The following EPC2 variants were observed in gnomAD, a reference collection of about 807,000 sequenced individuals.
EPC2 encodes enhancer of polycomb 2, also known as enhancer of polycomb homolog 2.
A neutral mutation model predicts 92.1 loss-of-function variants in EPC2; 14 were observed. The ratio of observed to expected loss-of-function variants is 0.15; its 90% CI spans 0.10 to 0.24. The LOEUF is 0.24. Ranked by LOEUF, EPC2 falls within the 10% of genes least tolerant of loss-of-function variation. The pLI is 1.00. For missense variants in EPC2, 755 were observed against 971.5 expected (o/e 0.78, Z 2.96); for synonymous variants, 340 against 334.7 (o/e 1.02, Z -0.17).
Position 148,769,236 on chromosome 2 carries a change from A to G in EPC2, c.1226A>G (p.Tyr409Cys), listed in dbSNP as rs1233536193. The change falls in exon 8 of 14, where the codon TAT (tyrosine) becomes TGT (cysteine). Residue 409 changes from tyrosine (Y) to cysteine (C), a missense_variant. By Grantham distance (194) the Tyr-to-Cys change is radical. This residue lies in a region of EPC2 where 509 missense variants were observed against 607.7 expected (regional missense o/e 0.84). Transcript: ENST00000258484. The part of the protein sequence containing the change: ...AFRRRAGCQY[Y>C]APRLDQANHS... ...AGAAGGCGGGCAGGATGCCAGTATT[A>G]TGCTGTAAGAACTTTTGTGTGTGTG... The G allele has an allele frequency of 1.2e-6, 2 of 1,606,984 alleles. No individual in the cohort carries two copies. Among genetic ancestry groups the G allele is most frequent in the Non-Finnish European group, 1.7e-6 (2 of 1,176,140 alleles).
intron 10 of EPC2, among the ~76,000 whole-genome samples, chr2:148,773,905 A>C (rs1683573309): frequency 6.6e-6 from 1 of 152,196 alleles, no homozygotes; most frequent in African/African-American, 2.4e-5. Flanking sequence ...TATATACAAA[A>C]GAATGGGATC....
chr2:148,702,093 C>T (rs1681900820), intron 2 of EPC2, among the ~76,000 whole-genome samples: 1 of 151,086 alleles, frequency 6.6e-6, no homozygotes, highest in South Asian at 2.1e-4. Flanking sequence ...AGTCATTTGT[C>T]TTCTTTTTTT....
chr2:148,778,504 G>A lies in EPC2; in HGVS notation c.1721-3140G>A, dbSNP rs1683688151. The stretch of plus-strand genomic sequence containing the variant: ...AGAAAAAATAACTAGTAGAGAAAGT[G>A]CTTTCAATCAAATTTCTGCCACCTG... On this transcript the variant is annotated intron_variant, in intron 10 of 13. Transcript: ENST00000258484. 1.3e-5 allele frequency among the ~76,000 whole-genome samples: 2 copies of A among 152,144 alleles called. 1 individual carries two copies. Among genetic ancestry groups the A allele is most frequent in the South Asian group, 4.1e-4 (2 of 4,822 alleles).
chr2:148,773,275 G>A (rs115719667), intron 10 of EPC2, among the ~76,000 whole-genome samples: 3,822 of 152,100 alleles, frequency 0.025, 53 homozygotes, highest in East Asian at 0.032. Context: ...TATCTTAGGC[G>A]TGCATGTACT....
Position 148,762,692 on chromosome 2 carries a change from G to A in EPC2, c.838G>A (p.Gly280Ser). Reference protein sequence around the residue: ...EKRYHLGDYGGEILNEVKISR... With the variant: ...EKRYHLGDYGSEILNEVKISR... ...AAGATACCATTTGGGAGACTATGGT[G>A]GTGAAATCCTTAATGAAGTAAAAAT... The change falls in exon 6 of 14, where the codon GGT becomes AGT. Residue 280 changes from glycine (G) to serine (S), a missense_variant. Gly to Ser is a moderately conservative substitution (Grantham distance 56). This residue lies in a region of EPC2 where 509 missense variants were observed against 607.7 expected (regional missense o/e 0.84). Transcript: ENST00000258484. 1 of 1,605,330 alleles carries A rather than the reference G, an allele frequency of 6.2e-7. No homozygotes were observed.
chr2:148,648,878 T>C (rs992217269), intron 1 of EPC2, among the ~76,000 whole-genome samples: 2 of 152,214 alleles, frequency 1.3e-5, no homozygotes, highest in African/African-American at 4.8e-5. Context: ...CATCCAAACA[T>C]CTTTTACTTC....
At chr2:148,686,267 T>C (rs1018602486) in intron 1 of EPC2, among the ~76,000 whole-genome samples, 4 of 152,214 alleles carry the variant, frequency 2.6e-5, no homozygotes, top group African/African-American at 9.6e-5. Flanking sequence ...TGCTCATCCA[T>C]AAGAAACAAC....
chr2:148,761,156 T>C (rs1284710372), intron 4 of EPC2, among the ~76,000 whole-genome samples: 3 of 152,248 alleles, frequency 2.0e-5, no homozygotes, highest in East Asian at 3.8e-4. Context: ...AACAGTGTTC[T>C]GAAATTCAGT....
At chr2:148,713,888 G>C (rs547210375) in intron 2 of EPC2, among the ~76,000 whole-genome samples, 1 of 152,270 alleles carries the variant, frequency 6.6e-6, no homozygotes, top group East Asian at 1.9e-4. Flanking sequence ...AGATGCATTT[G>C]TCAGAATGTT....
chr2:148,771,012 C>T (rs746129367), intron 9 of EPC2, 32 bp from the exon 10 acceptor site: 1 of 1,592,302 alleles, frequency 6.3e-7, no homozygotes, highest in Admixed American at 1.8e-5. Flanking sequence ...TCAGCTCTCT[C>T]AGTTAATATT....
chr2:148,731,602 A>G (rs1443160187), intron 2 of EPC2, among the ~76,000 whole-genome samples: 1 of 152,114 alleles, frequency 6.6e-6, no homozygotes, highest in East Asian at 1.9e-4. Context: ...AGGGTTTACC[A>G]TGTTGACGAG....
intron 1 of EPC2, among the ~76,000 whole-genome samples, chr2:148,671,684 C>T (rs1019593757): frequency 6.6e-6 from 1 of 152,120 alleles, no homozygotes; most frequent in African/African-American, 2.4e-5. Context: ...GTATTAGGAT[C>T]TGCTTGCATT....
intron 1 of EPC2, among the ~76,000 whole-genome samples, chr2:148,671,478 G>A (rs1028947522): frequency 4.6e-5 from 7 of 151,926 alleles, no homozygotes; most frequent in Non-Finnish European, 8.8e-5. Flanking sequence ...GTCAGGCATG[G>A]TGGTGTGCAC....
chr2:148,715,438 A>G (rs746992150), intron 2 of EPC2, among the ~76,000 whole-genome samples: 13 of 152,336 alleles, frequency 8.5e-5, no homozygotes, highest in South Asian at 4.1e-4. Flanking sequence ...AGTTTTCTGC[A>G]TATGGCTAGC....
chr2:148,750,507 GAGA>G (rs1317844742), intron 3 of EPC2, among the ~76,000 whole-genome samples: 4 of 151,974 alleles, frequency 2.6e-5, no homozygotes. Context: ...TGGGTCTTTG[GAGA>G]AGAAAATGTT....
intron 1 of EPC2, among the ~76,000 whole-genome samples, chr2:148,653,624 A>G (rs1680731336): frequency 6.6e-6 from 1 of 151,764 alleles, no homozygotes; most frequent in African/African-American, 2.4e-5. Context: ...CTGTTGCTAT[A>G]AAGTCAGAGG....
At chr2:148,774,624 T>TATTATATATATA (rs935978031) in intron 10 of EPC2, among the ~76,000 whole-genome samples, 8 of 132,614 alleles carry the variant, frequency 6.0e-5, no homozygotes, top group South Asian at 2.6e-4. Context: ...AAAATATATT[T>TATTATATATATA]TATATATATA....
chr2:148,703,144 A>T (rs889440960), intron 2 of EPC2, among the ~76,000 whole-genome samples: 5 of 151,948 alleles, frequency 3.3e-5, no homozygotes, highest in Non-Finnish European at 5.9e-5. Flanking sequence ...TGTGTTTGGT[A>T]TTTTTTTTCC....
intron 4 of EPC2, among the ~76,000 whole-genome samples, chr2:148,758,398 A>T (rs13421374): frequency 0.72 from 109,062 of 151,974 alleles, 40,587 homozygotes; most frequent in Non-Finnish European, 0.84. Context: ...TTAATTAATT[A>T]ATTTATTTAT....
Sources: allele counts gnomAD v4.1 joint callset (sites outside exome capture counted in the v4.1 genomes callset), GRCh38; gene constraint gnomAD v4.1.1; regional missense constraint gnomAD v4.1.1; transcripts MANE v1.5; gene names NCBI Gene and HGNC (gene_info 2026-07-23, HGNC 2026-07-21).